The following SNX29 variants were observed in gnomAD, a reference collection of about 807,000 sequenced individuals.
SNX29 encodes sorting nexin-29.
Under a neutral mutation model 102.1 loss-of-function variants are expected in SNX29, and 78 were observed. The ratio of observed to expected loss-of-function variants is 0.76; its 90% CI spans 0.64 to 0.92. The LOEUF is 0.92. SNX29 is among the 40% of genes least tolerant of loss of function. The pLI is 0.00. For missense variants in SNX29, 1,280 were observed against 1,061.7 expected (o/e 1.21, Z -2.86); for synonymous variants, 580 against 414.5 (o/e 1.40, Z -4.85).
At chr16:12,077,868 G>T (rs1021588607) in intron 10 of SNX29, among the ~76,000 whole-genome samples, 2 of 151,994 alleles carry the variant, frequency 1.3e-5, no homozygotes, top group Non-Finnish European at 2.9e-5. Context: ...TGATCCACCC[G>T]CCTCGGCCTC....
intron 16 of SNX29, among the ~76,000 whole-genome samples, chr16:12,397,912 G>A (rs568218905): frequency 4.0e-4 from 61 of 152,242 alleles, no homozygotes; most frequent in Non-Finnish European, 7.6e-4. Flanking sequence ...ACACAGTTTA[G>A]TTTCTCTCCC....
chr16:12,562,983 C>T (rs571410691), intron 20 of SNX29, among the ~76,000 whole-genome samples: 65 of 120,510 alleles, frequency 5.4e-4, no homozygotes, highest in Non-Finnish European at 9.2e-4. Context: ...AGGGCTGATG[C>T]GTAAGAAAAA....
intron 14 of SNX29, among the ~76,000 whole-genome samples, chr16:12,210,740 A>ACCTCCCTCG (rs1567315377): frequency 2.0e-5 from 3 of 150,486 alleles, no homozygotes; most frequent in Admixed American, 6.6e-5. Context: ...TCCCTCCCTC[A>ACCTCCCTCG]TTCCCTCCCT....
intron 13 of SNX29, among the ~76,000 whole-genome samples, chr16:12,155,378 G>C (rs532356387): frequency 2.0e-5 from 3 of 152,180 alleles, no homozygotes; most frequent in African/African-American, 4.8e-5. Flanking sequence ...AGCAGCTCAC[G>C]TGAAGAGCCA....
At chr16:12,552,305 A>G (rs892850736) in intron 20 of SNX29, among the ~76,000 whole-genome samples, 5 of 152,160 alleles carry the variant, frequency 3.3e-5, no homozygotes, top group Non-Finnish European at 2.9e-5. Context: ...TTCCTCTTCT[A>G]GAAGAGGTGA....
intron 4 of SNX29, among the ~76,000 whole-genome samples, chr16:12,033,669 C>T (rs2057401644): frequency 1.3e-5 from 2 of 150,046 alleles, no homozygotes; most frequent in Admixed American, 6.7e-5. Flanking sequence ...TGCAGTGGTG[C>T]AATCTTGGCC....
At chr16:12,338,012 GC>G (rs1300481505) in intron 15 of SNX29, among the ~76,000 whole-genome samples, 1 of 152,186 alleles carries the variant, frequency 6.6e-6, no homozygotes, top group Non-Finnish European at 1.5e-5. Flanking sequence ...CACAGCGACT[GC>G]CAGAGGAGCC....
Position 12,571,997 on chromosome 16 carries a change from T to G in SNX29, c.*3368T>G. 1 of 1,062,292 alleles carries G rather than the reference T, an allele frequency of 9.4e-7. No individual in the cohort carries two copies. Among genetic ancestry groups the G allele is most frequent in the East Asian group, 5.1e-5 (1 of 19,722 alleles). 65.8% of individuals were successfully genotyped at this position (1,062,292 alleles called of 1,614,324 possible). A position where few individuals can be genotyped will look rare whatever the true frequency, so the allele number is the denominator to read the frequency against. The stretch of plus-strand genomic sequence containing the variant: ...AGCCATCTTCACATCCAGTCACCAG[T>G]TGCATCTAGGGAGCTGCTGGCTATA... On this transcript the variant is annotated 3_prime_UTR_variant, in exon 21 of 21. Coordinates refer to ENST00000566228, the MANE Select transcript of SNX29 (RefSeq NM_032167.5).
At chr16:12,044,686 C>G (rs547701224) in intron 5 of SNX29, among the ~76,000 whole-genome samples, 1 of 152,304 alleles carries the variant, frequency 6.6e-6, no homozygotes, top group African/African-American at 2.4e-5. Context: ...TCAAGCGATT[C>G]TCCTGCCTCA....
chr16:12,295,294 C>T (rs1026054903), intron 15 of SNX29, among the ~76,000 whole-genome samples: 16 of 152,206 alleles, frequency 1.1e-4, no homozygotes, highest in Admixed American at 3.9e-4. Context: ...TTTAAGGATA[C>T]GCACACCCCA....
intron 19 of SNX29, among the ~76,000 whole-genome samples, chr16:12,503,850 T>C (rs529045913): frequency 6.6e-6 from 1 of 152,224 alleles, no homozygotes; most frequent in Non-Finnish European, 1.5e-5. Flanking sequence ...GATTCCATTG[T>C]TCTGTTTGAG....
intron 20 of SNX29, among the ~76,000 whole-genome samples, chr16:12,556,122 A>T (rs1338993627): frequency 6.6e-6 from 1 of 152,150 alleles, no homozygotes; most frequent in Non-Finnish European, 1.5e-5. Flanking sequence ...TATTACTCTT[A>T]TGTTCTCAAA....
At chr16:12,272,827 C>A (rs764954167) in intron 14 of SNX29, among the ~76,000 whole-genome samples, 1 of 152,086 alleles carries the variant, frequency 6.6e-6, no homozygotes, top group Non-Finnish European at 1.5e-5. Flanking sequence ...GATCAACACG[C>A]CTGTTGCCGC....
chr16:12,561,468 A>G (rs1026121245), intron 20 of SNX29, among the ~76,000 whole-genome samples: 1 of 152,148 alleles, frequency 6.6e-6, no homozygotes, highest in Non-Finnish European at 1.5e-5. Flanking sequence ...GCTCCTAGTA[A>G]GTGGAGTATT....
chr16:12,138,931 G>A (rs551651967), intron 13 of SNX29, among the ~76,000 whole-genome samples: 5 of 152,006 alleles, frequency 3.3e-5, no homozygotes, highest in South Asian at 2.1e-4. Flanking sequence ...GGTCAGGCAC[G>A]GTGGCTCACG....
At chr16:12,480,126 C>T (rs1009003266) in intron 19 of SNX29, among the ~76,000 whole-genome samples, 1 of 152,194 alleles carries the variant, frequency 6.6e-6, no homozygotes, top group African/African-American at 2.4e-5. Context: ...ATTAAGTCAA[C>T]ACTTGCTGTG....
intron 20 of SNX29, among the ~76,000 whole-genome samples, chr16:12,558,594 T>A (rs1176047470): frequency 6.6e-6 from 1 of 152,314 alleles, no homozygotes; most frequent in East Asian, 1.9e-4. Flanking sequence ...CCTGTCACTC[T>A]CTGCCACAGC....
intron 20 of SNX29, among the ~76,000 whole-genome samples, chr16:12,542,112 TA>T (rs1268827836): frequency 6.6e-6 from 1 of 152,096 alleles, no homozygotes; most frequent in Non-Finnish European, 1.5e-5. Flanking sequence ...AACGGATCCC[TA>T]AATTGAGCCA....
intron 19 of SNX29, among the ~76,000 whole-genome samples, chr16:12,513,585 C>A (rs1386726384): frequency 6.6e-6 from 1 of 152,206 alleles, no homozygotes; most frequent in Non-Finnish European, 1.5e-5. Context: ...GAACAAGCTG[C>A]AGGACCTGTT....
Sources: gnomAD v4.1 joint callset for allele counts (sites outside exome capture counted in the v4.1 genomes callset) on GRCh38, gnomAD v4.1.1 for gene constraint, MANE v1.5 for transcripts, NCBI Gene and HGNC (gene_info 2026-07-23, HGNC 2026-07-21) for gene names.